ENOX1: variants seen among roughly 807,000 people sequenced by gnomAD.
ENOX1 encodes ecto-NOX disulfide-thiol exchanger 1, also known as candidate growth-related and time keeping constitutive hydroquinone (NADH) oxidase.
ENOX1 carries 42 observed loss-of-function variants against 82.5 expected under a neutral mutation model. The ratio of observed to expected loss-of-function variants is 0.51; its 90% confidence interval spans 0.40 to 0.66. The LOEUF is 0.66. Among genes scored for constraint, ENOX1 ranks in the 30% least tolerant of loss-of-function variants. The pLI is 0.00. For synonymous variants in ENOX1, 271 were observed against 282.2 expected, an observed-to-expected ratio of 0.96 and a Z score of 0.40; for missense variants, 608 against 811.6, an observed-to-expected ratio of 0.75 and a Z score of 3.05.
chr13:43,413,379 T>C (rs1397199757), intron 3 of ENOX1, among the ~76,000 whole-genome samples: 1 of 152,092 alleles, frequency 6.6e-6, no homozygotes, highest in Non-Finnish European at 1.5e-5. Flanking sequence ...TTTTTTAAGT[T>C]AAAAAATTAA....
intron 1 of ENOX1, among the ~76,000 whole-genome samples, chr13:43,760,508 A>G (rs1055005036): frequency 6.6e-6 from 1 of 152,016 alleles, no homozygotes; most frequent in Non-Finnish European, 1.5e-5. Flanking sequence ...CAACGTGTGC[A>G]TGTTTGCCCC....
intron 2 of ENOX1, among the ~76,000 whole-genome samples, chr13:43,517,553 G>A (rs1244934323): frequency 6.6e-6 from 1 of 152,144 alleles, no homozygotes; most frequent in African/African-American, 2.4e-5. Context: ...GAAATATGGA[G>A]TTCTGTGAAA....
intron 8 of ENOX1, among the ~76,000 whole-genome samples, chr13:43,349,499 T>C (rs565864002): frequency 3.0e-4 from 46 of 152,298 alleles, no homozygotes; most frequent in Admixed American, 1.1e-3. Flanking sequence ...GTTAACCCCC[T>C]TCCTTCTCCC....
intron 9 of ENOX1, among the ~76,000 whole-genome samples, chr13:43,342,766 A>G (rs1305910825): frequency 1.3e-5 from 2 of 152,210 alleles, no homozygotes; most frequent in African/African-American, 4.8e-5. Context: ...TCATTTTCCA[A>G]TTTGGTGGTA....
intron 1 of ENOX1, among the ~76,000 whole-genome samples, chr13:43,674,740 G>A (rs1019458393): frequency 1.3e-5 from 2 of 152,114 alleles, no homozygotes; most frequent in African/African-American, 4.8e-5. Flanking sequence ...ATGAACTTTG[G>A]ATGACAATGA....
intron 8 of ENOX1, among the ~76,000 whole-genome samples, chr13:43,353,233 C>A (rs1048666874): frequency 2.6e-5 from 4 of 152,126 alleles, no homozygotes; most frequent in African/African-American, 9.7e-5. Context: ...TTACTGAGCA[C>A]CTACTATGTG....
chr13:43,732,509 A>C (rs974196305), intron 1 of ENOX1, among the ~76,000 whole-genome samples: 1 of 152,216 alleles, frequency 6.6e-6, no homozygotes, highest in African/African-American at 2.4e-5. Context: ...ATATGTACCA[A>C]GTAATGGTGA....
intron 8 of ENOX1, among the ~76,000 whole-genome samples, chr13:43,354,780 G>T (rs2050044123): frequency 2.6e-5 from 4 of 152,174 alleles, no homozygotes; most frequent in Non-Finnish European, 1.5e-5. Flanking sequence ...CTTCTATGCT[G>T]AATTCCTTTC....
chr13:43,466,813 G>T (rs1053353418), intron 3 of ENOX1, among the ~76,000 whole-genome samples: 1 of 152,056 alleles, frequency 6.6e-6, no homozygotes, highest in Non-Finnish European at 1.5e-5. Flanking sequence ...CCCCAGCCCA[G>T]TCCCTTATAA....
chr13:43,338,516 A>G (rs542752424), intron 9 of ENOX1, among the ~76,000 whole-genome samples: 1 of 152,048 alleles, frequency 6.6e-6, no homozygotes, highest in African/African-American at 2.4e-5. Flanking sequence ...AATGAGGTCT[A>G]TCCAGCTGGC....
At chr13:43,617,102 G>A (rs935597652) in intron 2 of ENOX1, among the ~76,000 whole-genome samples, 3 of 152,176 alleles carry the variant, frequency 2.0e-5, no homozygotes, top group African/African-American at 7.2e-5. Context: ...TCTAGAAATT[G>A]CTGTCCTGCC....
chr13:43,255,106 G>A (rs1401457756), intron 14 of ENOX1, among the ~76,000 whole-genome samples: 2 of 152,170 alleles, frequency 1.3e-5, no homozygotes, highest in African/African-American at 4.8e-5. Context: ...CCATGACCAA[G>A]TGGGATTCAT....
intron 2 of ENOX1, among the ~76,000 whole-genome samples, chr13:43,518,683 A>G (rs1375759743): frequency 6.6e-6 from 1 of 152,182 alleles, no homozygotes; most frequent in African/African-American, 2.4e-5. Context: ...ATTGTAAAAA[A>G]AAATACATTT....
chr13:43,223,652 G>A (rs895040209), intron 16 of ENOX1, among the ~76,000 whole-genome samples: 1 of 152,060 alleles, frequency 6.6e-6, no homozygotes, highest in Non-Finnish European at 1.5e-5. Context: ...TATTATTTGG[G>A]ATGATTTTTC....
chr13:43,577,200 C>T (rs188464469), intron 2 of ENOX1, among the ~76,000 whole-genome samples: 74 of 151,876 alleles, frequency 4.9e-4, no homozygotes, highest in African/African-American at 1.6e-3. Flanking sequence ...GGTGCGATGT[C>T]GGCTCACTGC....
chr13:43,333,623 TAGG>T (rs2048534031), intron 9 of ENOX1, among the ~76,000 whole-genome samples: 1 of 152,196 alleles, frequency 6.6e-6, no homozygotes, highest in Non-Finnish European at 1.5e-5. Context: ...ATAATGGTAA[TAGG>T]AGATTTCTTT....
In ENOX1 at chr13:43,470,387, C is replaced by CGTGTATATATATAT. The variant is rs1593365864; in HGVS notation, c.-75+13621_-75+13622insATATATATATACAC. 3.9e-5 allele frequency among the ~76,000 whole-genome samples: 2 copies of CGTGTATATATATAT among 51,506 alleles called. 1 individual carries two copies. The allele number at this position is 51,506 out of a possible 152,430, so 33.8% of individuals were successfully genotyped here. A position where few individuals can be genotyped will look rare whatever the true frequency, so the allele number is the denominator to read the frequency against. On this transcript the variant is annotated intron_variant, in intron 3 of 16. Transcript: ENST00000690772. ...ATACGTATATATATACATATATATA[C>CGTGTATATATATAT]GTATATATATGTGTATATATATATA...
intron 1 of ENOX1, among the ~76,000 whole-genome samples, chr13:43,711,513 T>C (rs1236611935): frequency 6.6e-6 from 1 of 152,156 alleles, no homozygotes; most frequent in Non-Finnish European, 1.5e-5. Flanking sequence ...TCCACAATGG[T>C]TGAACTAGTT....
At chr13:43,676,464 C>A (rs1307607897) in intron 1 of ENOX1, among the ~76,000 whole-genome samples, 1 of 152,116 alleles carries the variant, frequency 6.6e-6, no homozygotes, top group Admixed American at 6.6e-5. Flanking sequence ...TGTGAGGACT[C>A]CCACCTCAAA....
Sources: allele counts gnomAD v4.1 joint callset (sites outside exome capture counted in the v4.1 genomes callset), GRCh38; gene constraint gnomAD v4.1.1; transcripts MANE v1.5; gene names NCBI Gene and HGNC (gene_info 2026-07-23, HGNC 2026-07-21).